The following PHACTR2 variants were observed in gnomAD, a reference collection of about 807,000 sequenced individuals.
PHACTR2 encodes chromosome 6 open reading frame 56.
PHACTR2 carries 30 observed loss-of-function variants against 76.0 expected under a neutral mutation model. That is an observed-to-expected ratio of 0.39 (90% CI 0.30 to 0.54). The LOEUF (loss-of-function observed/expected upper bound fraction) is 0.54, where lower values mean the gene tolerates loss of function less well. Among genes scored for constraint, PHACTR2 ranks in the 20% least tolerant of loss-of-function variants. The probability of loss-of-function intolerance (pLI) is 0.61; values close to 1 mark genes in which losing one functional copy is unlikely to be tolerated. For synonymous variants in PHACTR2, 292 were observed against 292.5 expected (o/e 1.00, Z 0.02); for missense variants, 696 against 781.1 (o/e 0.89, Z 1.30).
Position 143,784,764 on chromosome 6 carries a change from G to T in PHACTR2, c.1707+1484G>T, listed in dbSNP as rs745793365. ...TCAGAATCATGGCAGGAGGCAAAAG[G>T]CTCTTCTAACATGGTGGCGGCAAAA... is the stretch of plus-strand genomic sequence containing the variant. On this transcript the variant is annotated intron_variant, in intron 10 of 12. Transcript: ENST00000440869. This position sits in a 1 kb window ranked among gnomAD's most constrained non-coding sequence, Gnocchi z 4.5. Among the ~76,000 whole-genome samples, 6 of 152,156 alleles carry T rather than the reference G, an allele frequency of 3.9e-5. No homozygotes were observed. The highest frequency in any genetic ancestry group is 1.4e-4 in the African/African-American group (6 of 41,418).
intron 1 of PHACTR2, among the ~76,000 whole-genome samples, chr6:143,573,884 G>C (rs1178976839): frequency 6.6e-6 from 1 of 152,172 alleles, no homozygotes. Context: ...TTATGGAATC[G>C]TGAATTTTAT....
In PHACTR2 at chr6:143,678,404, T is replaced by C. The variant is rs553851840; in HGVS notation, c.46+195T>C. Among the ~76,000 whole-genome samples, 2 of 152,358 alleles carry C rather than the reference T, an allele frequency of 1.3e-5. No homozygotes were observed. Among genetic ancestry groups the C allele is most frequent in the East Asian group, 3.9e-4 (2 of 5,186 alleles). ...ATGCCTTTTGGGATCCAGCCGATTT[T>C]ACCTTAAAGGCACAGGCTCCATTTT... On this transcript the variant is annotated intron_variant, in intron 1 of 12. Transcript: ENST00000440869. The surrounding 1 kb of genome is among the most constrained non-coding windows in gnomAD (Gnocchi z 6.2).
rs1270087536 is a variant in PHACTR2, at chr6:143,795,687, C to T, written c.1845+6777C>T. Among the ~76,000 whole-genome samples the T allele has an allele frequency of 2.0e-5, 3 of 152,170 alleles. No homozygotes were observed. Among genetic ancestry groups the T allele is most frequent in the Non-Finnish European group, 4.4e-5 (3 of 68,028 alleles). On this transcript the variant is annotated intron_variant, in intron 11 of 12. Coordinates refer to ENST00000440869, the MANE Select transcript of PHACTR2 (RefSeq NM_001100164.2). The surrounding 1 kb of genome is among the most constrained non-coding windows in gnomAD (Gnocchi z 4.8). ...GGGCAGGCTTTAGAACTGGGCACTT[C>T]TAGGATGGATTGATCCTTGACTTGG...
Position 143,722,144 on chromosome 6 carries a change from T to C in PHACTR2, c.214+9961T>C, listed in dbSNP as rs1425764709. On this transcript the variant is annotated intron_variant, in intron 2 of 12. Transcript: ENST00000440869. This position sits in a 1 kb window ranked among gnomAD's most constrained non-coding sequence, Gnocchi z 4.1. ...ACTCTCTATCACTTTTCTGCTTATT[T>C]AATGTTCTCTTTGTGGAAAATATCA... 6.6e-6 allele frequency among the ~76,000 whole-genome samples: 1 copy of C among 152,258 alleles called. No individual in the cohort carries two copies. The highest frequency in any genetic ancestry group is 1.5e-5 in the Non-Finnish European group (1 of 68,048).
intron 9 of PHACTR2, among the ~76,000 whole-genome samples, chr6:143,778,747 A>G (rs750063063): frequency 6.6e-6 from 1 of 152,204 alleles, no homozygotes. Context: ...CTCCTAAAAA[A>G]CACAGAGATT....
Position 143,747,283 on chromosome 6 carries a change from G to GA in PHACTR2, c.215-1693dup, listed in dbSNP as rs764426150. Reference sequence around the variant, plus strand: ...ATACACAATTTCTATTATCAGAAAGGAAAAAAAAATCCAGGTTCTTCAAGA... The same window carrying GA: ...ATACACAATTTCTATTATCAGAAAGGAAAAAAAAAATCCAGGTTCTTCAAGA... On this transcript the variant is annotated intron_variant, in intron 2 of 12. Transcript: ENST00000440869. 2.9e-4 allele frequency among the ~76,000 whole-genome samples: 44 copies of GA among 151,358 alleles called. No homozygotes were observed. The East Asian group carries it at 5.4e-3, about 19-fold the overall frequency.
intron 9 of PHACTR2, among the ~76,000 whole-genome samples, chr6:143,781,477 G>A (rs967042703): frequency 6.6e-6 from 1 of 152,258 alleles, no homozygotes; most frequent in East Asian, 1.9e-4. Flanking sequence ...CATAAATACT[G>A]TATAGGAAGA....
In PHACTR2 at chr6:143,658,303, G is replaced by T. The variant is rs923901879; in HGVS notation, c.13+49981G>T. Among the ~76,000 whole-genome samples the T allele has an allele frequency of 1.3e-5, 2 of 152,148 alleles. No individual in the cohort carries two copies. Among genetic ancestry groups the T allele is most frequent in the Non-Finnish European group, 2.9e-5 (2 of 68,024 alleles). ...CCTTCAAATTAACAAGGGAAATTCA[G>T]GTGAAACTTAAATATGAACTTAAAA... On this transcript the variant is annotated intron_variant, in intron 1 of 11. Coordinates refer to the PHACTR2 transcript ENST00000305766. The surrounding 1 kb of genome is among the most constrained non-coding windows in gnomAD (Gnocchi z 4.1).
In PHACTR2 at chr6:143,580,155, C is replaced by G. The variant is rs1380860548; in HGVS notation, c.217+42948C>G. On this transcript the variant is annotated intron_variant, in intron 1 of 11. Transcript: ENST00000367584. This position sits in a 1 kb window ranked among gnomAD's most constrained non-coding sequence, Gnocchi z 4.2. ...GATGGGAGTCATGATCTTTCTATAG[C>G]TTCGTCTCAAAAGTGATATCCCATC... is the stretch of plus-strand genomic sequence containing the variant. 6.6e-6 allele frequency among the ~76,000 whole-genome samples: 1 copy of G among 152,178 alleles called. No homozygotes were observed. Among genetic ancestry groups the G allele is most frequent in the Non-Finnish European group, 1.5e-5 (1 of 68,034 alleles).
intron 1 of PHACTR2, among the ~76,000 whole-genome samples, chr6:143,612,191 CT>C (rs1391526295): frequency 6.6e-6 from 1 of 152,190 alleles, no homozygotes. Context: ...AGAAAGGAAA[CT>C]TTCAAATGCT....
At position 143,581,323 on chromosome 6, in the gene PHACTR2, G is replaced by A. The variant is rs145922061; in HGVS notation, c.217+44116G>A. ...TATCAAGTTATCCTCCTGACCGGGC[G>A]CAGTGGTTCATGCCTGTAATCCCAG... On this transcript the variant is annotated intron_variant, in intron 1 of 11. Transcript: ENST00000367584. The surrounding 1 kb of genome is among the most constrained non-coding windows in gnomAD (Gnocchi z 4.5). Among the ~76,000 whole-genome samples, 257 of 152,284 alleles carry A rather than the reference G, an allele frequency of 1.7e-3. 1 individual carries two copies. The highest frequency in any genetic ancestry group is 5.9e-3 in the African/African-American group (246 of 41,560).
intron 1 of PHACTR2, among the ~76,000 whole-genome samples, chr6:143,699,675 T>C (rs547040103): frequency 6.6e-6 from 1 of 152,320 alleles, no homozygotes; most frequent in Admixed American, 6.5e-5. Flanking sequence ...AAATCTTCTC[T>C]CTTCTTGACA....
chr6:143,575,575 T>C (rs1011888943), intron 1 of PHACTR2, among the ~76,000 whole-genome samples: 11 of 152,222 alleles, frequency 7.2e-5, no homozygotes, highest in Non-Finnish European at 1.5e-5. Flanking sequence ...GCCAATGTAA[T>C]ACTGGTAAGA....
intron 1 of PHACTR2, among the ~76,000 whole-genome samples, chr6:143,681,013 G>C (rs1455299146): frequency 6.6e-6 from 1 of 152,102 alleles, no homozygotes; most frequent in Non-Finnish European, 1.5e-5. Context: ...ATCAGTTGAT[G>C]GACATTTGGG....
chr6:143,801,884 G>C lies in PHACTR2; in HGVS notation c.1846-5173G>C, dbSNP rs1009220405. Among the ~76,000 whole-genome samples, 6 of 152,236 alleles carry C rather than the reference G, an allele frequency of 3.9e-5. No homozygotes were observed. Among genetic ancestry groups the C allele is most frequent in the Middle Eastern group, 3.4e-3 (1 of 294 alleles). ...TTGGTGACCTACAGATGGGGTTTGG[G>C]TGTGGATGTCCTTTTTGTTGATGTT... On this transcript the variant is annotated intron_variant, in intron 11 of 12. Transcript: ENST00000440869. This position sits in a 1 kb window ranked among gnomAD's most constrained non-coding sequence, Gnocchi z 4.6.
chr6:143,563,156 CAAG>C (rs995842073), intron 1 of PHACTR2, among the ~76,000 whole-genome samples: 1 of 151,866 alleles, frequency 6.6e-6, no homozygotes, highest in Admixed American at 6.6e-5. Context: ...AAAAAAGCAA[CAAG>C]AAGGGAAGAA....
chr6:143,759,759 G>A (rs1373525626), intron 4 of PHACTR2, among the ~76,000 whole-genome samples: 1 of 151,892 alleles, frequency 6.6e-6, no homozygotes, highest in Non-Finnish European at 1.5e-5. Flanking sequence ...CCAATGTACT[G>A]GGAAAGCTTT....
At chr6:143,802,072 G>A (rs928367403) in intron 11 of PHACTR2, among the ~76,000 whole-genome samples, 1 of 152,304 alleles carries the variant, frequency 6.6e-6, no homozygotes, top group South Asian at 2.1e-4. Flanking sequence ...GACTGATGAA[G>A]CAGACCTGTT....
At position 143,783,695 on chromosome 6, in the gene PHACTR2, G is replaced by C. The variant is rs908073406; in HGVS notation, c.1707+415G>C. 2.6e-5 allele frequency among the ~76,000 whole-genome samples: 4 copies of C among 152,144 alleles called. No individual in the cohort carries two copies. The highest frequency in any genetic ancestry group is 2.0e-4 in the Admixed American group (3 of 15,276). ...TGAGTGATGTTTCTGATTGTGTGTT[G>C]TGCTAATTTTGAATAATTAACAAGG... On this transcript the variant is annotated intron_variant, in intron 10 of 12. Transcript: ENST00000440869. The surrounding 1 kb of genome is among the most constrained non-coding windows in gnomAD (Gnocchi z 5.2).
Sources: allele counts gnomAD v4.1 joint callset (sites outside exome capture counted in the v4.1 genomes callset), GRCh38; gene constraint gnomAD v4.1.1; non-coding constraint Gnocchi (gnomAD v3.1); transcripts MANE v1.5; gene names NCBI Gene and HGNC (gene_info 2026-07-23, HGNC 2026-07-21).